OSBPL10: variants seen among roughly 807,000 people sequenced by gnomAD.
The protein encoded by OSBPL10 is oxysterol binding protein like 10.
Under a neutral mutation model 81.7 loss-of-function variants are expected in OSBPL10, and 49 were observed. The observed-to-expected ratio is 0.60, with a 90% CI of 0.48 to 0.76. OSBPL10 has a LOEUF of 0.76. OSBPL10 is among the 30% of genes least tolerant of loss of function. The pLI is 0.00. For missense variants in OSBPL10, 923 were observed against 987.8 expected (o/e 0.93, Z 0.88); for synonymous variants, 419 against 383.6 (o/e 1.09, Z -1.08).
chr3:32,008,033 T>A (rs56105530), intron 2 of OSBPL10, among the ~76,000 whole-genome samples: 20,451 of 152,082 alleles, frequency 0.13, 1,487 homozygotes, highest in Middle Eastern at 0.21. Flanking sequence ...TCTGTAAAGA[T>A]CATTTCTTTA....
chr3:32,000,601 C>T (rs920650306), intron 2 of OSBPL10, among the ~76,000 whole-genome samples: 1 of 152,186 alleles, frequency 6.6e-6, no homozygotes, highest in African/African-American at 2.4e-5. Context: ...TGCGAAATTG[C>T]GGGGCTGTTC....
chr3:31,738,381 G>A lies in OSBPL10; in HGVS notation c.941-4970C>T, dbSNP rs554103519. Among the ~76,000 whole-genome samples the A allele has an allele frequency of 2.5e-4, 35 of 141,968 alleles. No individual in the cohort carries two copies. In the East Asian group the frequency reaches 6.6e-3, roughly 27 times the overall value. The allele number at this position is 141,968 out of a possible 152,430, so 93.1% of individuals were successfully genotyped here. On this transcript the variant is annotated intron_variant, in intron 5 of 11. Transcript: ENST00000396556. ...TCATGGAAGCAGAAAAATTAGACCT[G>A]CCTTAAAGGAAAAAAAAAAAAATCA...
At chr3:32,060,216 A>G (rs1380332837) in intron 1 of OSBPL10, among the ~76,000 whole-genome samples, 2 of 152,234 alleles carry the variant, frequency 1.3e-5, no homozygotes, top group African/African-American at 4.8e-5. Flanking sequence ...ATGTCTTCAA[A>G]TAATTTTAAA....
intron 1 of OSBPL10, among the ~76,000 whole-genome samples, chr3:31,941,465 C>T (rs537714456): frequency 6.6e-6 from 1 of 152,290 alleles, no homozygotes; most frequent in South Asian, 2.1e-4. Flanking sequence ...TCTCTCTGAG[C>T]TGTGTAAATT....
chr3:31,908,604 G>C (rs1023763107), intron 1 of OSBPL10, among the ~76,000 whole-genome samples: 5 of 152,190 alleles, frequency 3.3e-5, no homozygotes, highest in African/African-American at 1.2e-4. Flanking sequence ...TAGTTCACTA[G>C]TGAGGATGAG....
intron 6 of OSBPL10, among the ~76,000 whole-genome samples, chr3:31,723,811 C>T (rs1381905218): frequency 1.3e-5 from 2 of 152,206 alleles, no homozygotes; most frequent in Non-Finnish European, 2.9e-5. Context: ...TCATAAATCT[C>T]TGAGCGTTGA....
intron 5 of OSBPL10, among the ~76,000 whole-genome samples, chr3:31,741,545 G>T (rs1232459172): frequency 6.6e-6 from 1 of 152,232 alleles, no homozygotes; most frequent in African/African-American, 2.4e-5. Context: ...TTACAGGCGT[G>T]AGCCACTGTG....
At chr3:31,737,789 C>A (rs961610489) in intron 5 of OSBPL10, among the ~76,000 whole-genome samples, 1 of 151,858 alleles carries the variant, frequency 6.6e-6, no homozygotes, top group East Asian at 1.9e-4. Context: ...GTCAGGAGTT[C>A]GAGACCAGCC....
At chr3:31,770,974 T>C (rs1341631299) in intron 4 of OSBPL10, among the ~76,000 whole-genome samples, 1 of 152,174 alleles carries the variant, frequency 6.6e-6, no homozygotes, top group Non-Finnish European at 1.5e-5. Flanking sequence ...ACACCACTTA[T>C]TAACTGTAAT....
rs1194826633 is a variant in OSBPL10, at chr3:31,748,059, C to T, written c.791G>A (p.Gly264Glu). 6.2e-7 allele frequency: 1 copy of T among 1,614,130 alleles called. No homozygotes were observed. Among genetic ancestry groups the T allele is most frequent in the Non-Finnish European group, 8.5e-7 (1 of 1,180,028 alleles). The change falls in exon 5 of 12, where the codon GGG becomes GAG. Residue 264 changes from glycine (G) to glutamate (E), a missense_variant. Gly to Glu is a moderately conservative substitution (Grantham distance 98). Coordinates refer to ENST00000396556, the MANE Select transcript of OSBPL10 (RefSeq NM_017784.5). ...GTCCAAGGCAGTGAGGGGGCCGGACCCTGGCAGGGACTCAATGGCGTGCAC... is the reference window on the plus strand; with the variant it reads ...GTCCAAGGCAGTGAGGGGGCCGGACTCTGGCAGGGACTCAATGGCGTGCAC... Reference protein sequence around the residue: ...NLVHAIESLPGSGPLTALDQD... With the variant: ...NLVHAIESLPESGPLTALDQD...
In OSBPL10 at chr3:31,863,398, G is replaced by A. The variant is rs138311688; in HGVS notation, c.537+13035C>T. ...TTTTGAAAACATACTAAAAACCACTGAATTACATACTTTAAAAAAGTAAAC... is the reference window on the plus strand; with the variant it reads ...TTTTGAAAACATACTAAAAACCACTAAATTACATACTTTAAAAAAGTAAAC... On this transcript the variant is annotated intron_variant, in intron 3 of 11. Coordinates refer to ENST00000396556, the MANE Select transcript of OSBPL10 (RefSeq NM_017784.5). Among the ~76,000 whole-genome samples, 470 of 152,258 alleles carry A rather than the reference G, an allele frequency of 3.1e-3. 3 individuals carry two copies. Among genetic ancestry groups the A allele is most frequent in the African/African-American group, 0.01 (427 of 41,542 alleles).
At chr3:31,958,453 C>G (rs546224671) in intron 1 of OSBPL10, among the ~76,000 whole-genome samples, 4 of 152,096 alleles carry the variant, frequency 2.6e-5, no homozygotes, top group African/African-American at 7.2e-5. Flanking sequence ...ATAATATCAA[C>G]TGGTATTGCG....
chr3:32,026,061 A>AGATAGATAGATAGATGATT (rs1699407353), intron 2 of OSBPL10, among the ~76,000 whole-genome samples: 35 of 90,816 alleles, frequency 3.9e-4, no homozygotes, highest in African/African-American at 1.2e-3. Context: ...GATAGATGAT[A>AGATAGATAGATAGATGATT]GATAGATAGA....
intron 2 of OSBPL10, among the ~76,000 whole-genome samples, chr3:32,027,334 G>A (rs9871746): frequency 2.0e-5 from 3 of 152,088 alleles, no homozygotes; most frequent in Non-Finnish European, 4.4e-5. Context: ...TAATTATGTA[G>A]GAAAACAATG....
At chr3:31,670,772 C>G (rs904222086) in intron 9 of OSBPL10, 25 bp downstream of exon 9, 2 of 1,598,510 alleles carry the variant, frequency 1.3e-6, no homozygotes, top group East Asian at 4.5e-5. Context: ...AAGACAAAGC[C>G]AGAGTCTCTC....
chr3:31,899,331 A>C (rs1341176855), intron 1 of OSBPL10, among the ~76,000 whole-genome samples: 1 of 152,202 alleles, frequency 6.6e-6, no homozygotes, highest in Non-Finnish European at 1.5e-5. Flanking sequence ...AAGAGTAAGA[A>C]GAAAAAAATA....
At chr3:32,047,082 G>T (rs12715190) in intron 1 of OSBPL10, among the ~76,000 whole-genome samples, 1 of 152,226 alleles carries the variant, frequency 6.6e-6, no homozygotes, top group African/African-American at 2.4e-5. Flanking sequence ...TCACTGCAAC[G>T]TCTGCTAATC....
At chr3:31,941,079 A>G (rs755654981) in intron 1 of OSBPL10, among the ~76,000 whole-genome samples, 6 of 152,226 alleles carry the variant, frequency 3.9e-5, no homozygotes, top group Non-Finnish European at 8.8e-5. Flanking sequence ...TTTGTCCGAC[A>G]GGTGAATGAA....
At chr3:31,887,726 A>G (rs1352001202) in intron 1 of OSBPL10, among the ~76,000 whole-genome samples, 3 of 152,184 alleles carry the variant, frequency 2.0e-5, no homozygotes, top group African/African-American at 7.2e-5. Context: ...GAAGTAAGAC[A>G]CTGGATCCTA....
Sources: allele counts gnomAD v4.1 joint callset (sites outside exome capture counted in the v4.1 genomes callset), GRCh38; gene constraint gnomAD v4.1.1; transcripts MANE v1.5; gene names NCBI Gene and HGNC (gene_info 2026-07-23, HGNC 2026-07-21).